Variants in DPYSL2 observed in about 807,000 individuals in gnomAD.
DPYSL2 encodes the protein dihydropyrimidinase-related protein 2.
In DPYSL2, 13 loss-of-function variants were observed where a neutral mutation model predicts 69.9. The observed-to-expected ratio is 0.19, with a 90% CI of 0.12 to 0.30. DPYSL2 has a LOEUF of 0.30. Among genes scored for constraint, DPYSL2 ranks in the 10% least tolerant of loss-of-function variants. DPYSL2 has a pLI of 1.00. For missense variants in DPYSL2, 587 were observed against 918.9 expected (o/e 0.64, Z 4.67); for synonymous variants, 326 against 359.1 (o/e 0.91, Z 1.04).
intron 1 of DPYSL2, among the ~76,000 whole-genome samples, chr8:26,573,727 C>G (rs2129697976): frequency 6.8e-6 from 1 of 147,632 alleles, no homozygotes; most frequent in Non-Finnish European, 1.5e-5. Context: ...ATCCCAGCTA[C>G]TCGGGAGGCT....
At chr8:26,534,241 T>C (rs571099255) in intron 1 of DPYSL2, among the ~76,000 whole-genome samples, 28 of 152,320 alleles carry the variant, frequency 1.8e-4, no homozygotes, top group African/African-American at 5.3e-4. Context: ...ATTGCAGTAG[T>C]GCCATCTTGG....
In DPYSL2 at chr8:26,627,903, C is replaced by A; in HGVS notation, c.968C>A (p.Thr323Lys). 1.2e-6 allele frequency: 2 copies of A among 1,613,886 alleles called. No individual in the cohort carries two copies. Among genetic ancestry groups the A allele is most frequent in the Non-Finnish European group, 1.7e-6 (2 of 1,179,998 alleles). Residue 323 changes from threonine to lysine, a missense_variant, in exon 7 of 14, where the codon ACG (threonine) becomes AAG (lysine). By Grantham distance (78) the Thr-to-Lys change is moderately conservative (BLOSUM62 -1). Transcript: ENST00000521913. The surrounding 1 kb of genome is among the most constrained non-coding windows in gnomAD (Gnocchi z 6.9). ...EQQRILDLGITGPEGHVLSRP... is the reference protein window; with the variant it reads ...EQQRILDLGIKGPEGHVLSRP... ...CAGAGGATCCTGGATCTGGGCATCACGGGCCCCGAGGGACATGTGCTGAGC... is the reference window on the plus strand; with the variant it reads ...CAGAGGATCCTGGATCTGGGCATCAAGGGCCCCGAGGGACATGTGCTGAGC...
rs1429781348 is a variant in DPYSL2, at chr8:26,643,554, T to A, written c.1242T>A (p.Pro414=). The A allele has an allele frequency of 6.2e-7, 1 of 1,614,196 alleles. No homozygotes were observed. The highest frequency in any genetic ancestry group is 2.2e-5 in the East Asian group (1 of 44,884). The part of the protein sequence containing the change: ...AAFVTSPPLS[P]DPTTPDFLNS... ...TTGTCACCTCCCCACCCTTGAGCCCTGATCCAACCACTCCAGACTTTCTCA... is the reference window on the plus strand; with the variant it reads ...TTGTCACCTCCCCACCCTTGAGCCCAGATCCAACCACTCCAGACTTTCTCA... The change falls in exon 9 of 14, where the codon CCT becomes CCA. Residue 414 remains proline (P), a synonymous_variant. Transcript: ENST00000521913. The surrounding 1 kb of genome is among the most constrained non-coding windows in gnomAD (Gnocchi z 6.5).
Position 26,643,240 on chromosome 8 carries a change from TGGG to T in DPYSL2, c.1127-197_1127-195del, listed in dbSNP as rs2129969945. On this transcript the variant is annotated intron_variant, in intron 8 of 13. Transcript: ENST00000521913. The surrounding 1 kb of genome is among the most constrained non-coding windows in gnomAD (Gnocchi z 6.5). ...AGAGCAGGGGCTGAAGGTGGAATCT[TGGG>T]GAGCTCATGACAGGCTGGCAGAGGT... 2.0e-6 allele frequency: 1 copy of T among 508,896 alleles called. No individual in the cohort carries two copies. The highest frequency in any genetic ancestry group is 2.0e-5 in the African/African-American group (1 of 50,072). 31.5% of individuals were successfully genotyped at this position (508,896 alleles called of 1,614,324 possible). A position where few individuals can be genotyped will look rare whatever the true frequency, so the allele number is the denominator to read the frequency against.
Position 26,557,056 on chromosome 8 carries a change from C to A in DPYSL2, c.355-24913C>A, listed in dbSNP as rs114950640. On this transcript the variant is annotated intron_variant, in intron 1 of 13. Coordinates refer to ENST00000521913, the MANE Select transcript of DPYSL2 (RefSeq NM_001197293.3). ...ATAAATCTAGACACAGACCTCACAT[C>A]TTTCAGGAAAATTAACTCAGAATAC... Among the ~76,000 whole-genome samples the A allele has an allele frequency of 8.2e-3, 1,242 of 152,228 alleles. 19 individuals are homozygous for A. Among genetic ancestry groups the A allele is most frequent in the African/African-American group, 0.028 (1,159 of 41,542 alleles).
chr8:26,656,477 C>T lies in DPYSL2; in HGVS notation c.*771C>T, dbSNP rs1392524279. On this transcript the variant is annotated 3_prime_UTR_variant, in exon 14 of 14. Transcript: ENST00000521913. ...CCATTTTTCTGCGTGCTCTCACTCTCTCTTTCTCTCTCTAGCTTTTTAATT... is the reference window on the plus strand; with the variant it reads ...CCATTTTTCTGCGTGCTCTCACTCTTTCTTTCTCTCTCTAGCTTTTTAATT... 1.3e-5 allele frequency: 2 copies of T among 152,380 alleles called. No homozygotes were observed. Among genetic ancestry groups the T allele is most frequent in the East Asian group, 3.9e-4 (2 of 5,170 alleles). The allele number at this position is 152,380 out of a possible 1,614,324, so 9.4% of individuals were successfully genotyped here.
rs1045091778 is a variant in DPYSL2 at position 26,614,413 on chromosome 8, C to T, written c.629-9730C>T. Among the ~76,000 whole-genome samples, 7 of 152,084 alleles carry T rather than the reference C, an allele frequency of 4.6e-5. No individual in the cohort carries two copies. The highest frequency in any genetic ancestry group is 2.6e-4 in the Admixed American group (4 of 15,268). On this transcript the variant is annotated intron_variant, in intron 3 of 13. Transcript: ENST00000521913. This position sits in a 1 kb window ranked among gnomAD's most constrained non-coding sequence, Gnocchi z 4.9. ...ATGAGAAGAGAGGGGTGGGGACAGG[C>T]GGTAGCTGGAGGGTCCTTCAGGATC...
chr8:26,542,740 A>T (rs1800705967), intron 1 of DPYSL2, among the ~76,000 whole-genome samples: 2 of 152,144 alleles, frequency 1.3e-5, no homozygotes, highest in African/African-American at 4.8e-5. Flanking sequence ...TTTTATTTTT[A>T]AAAAGTTAAT....
rs1801169971 is a variant in DPYSL2, at chr8:26,567,393, C to T, written c.355-14576C>T. Among the ~76,000 whole-genome samples, 5 of 151,920 alleles carry T rather than the reference C, an allele frequency of 3.3e-5. No homozygotes were observed. In the South Asian group the frequency reaches 1.0e-3, roughly 32 times the overall value. ...CCATCTGCCCACCCAACTATCCATT[C>T]ATCCATCCACCCCACCCATCTACTA... On this transcript the variant is annotated intron_variant, in intron 1 of 13. Coordinates refer to ENST00000521913, the MANE Select transcript of DPYSL2 (RefSeq NM_001197293.3).
chr8:26,549,578 A>G (rs1800839569), intron 1 of DPYSL2, among the ~76,000 whole-genome samples: 1 of 152,194 alleles, frequency 6.6e-6, no homozygotes. Flanking sequence ...AGAGAACACC[A>G]AGCAGGATCA....
rs1802390636 is a variant in DPYSL2, at chr8:26,617,809, G to A, written c.629-6334G>A. On this transcript the variant is annotated intron_variant, in intron 3 of 13. Coordinates refer to ENST00000521913, the MANE Select transcript of DPYSL2 (RefSeq NM_001197293.3). This position sits in a 1 kb window ranked among gnomAD's most constrained non-coding sequence, Gnocchi z 4.7. ...CTGAATAAACAAATCTATGGAGACG[G>A]GAAGTAGATTGATGGTGGCCAGGGT... Among the ~76,000 whole-genome samples, 1 of 152,178 alleles carries A rather than the reference G, an allele frequency of 6.6e-6. No individual in the cohort carries two copies. Among genetic ancestry groups the A allele is most frequent in the Non-Finnish European group, 1.5e-5 (1 of 68,032 alleles).
In DPYSL2 at chr8:26,627,409, G is replaced by A; in HGVS notation, c.936+114G>A. 1 of 1,098,408 alleles carries A rather than the reference G, an allele frequency of 9.1e-7. No homozygotes were observed. Among genetic ancestry groups the A allele is most frequent in the Non-Finnish European group, 1.4e-6 (1 of 733,712 alleles). 68.0% of individuals were successfully genotyped at this position (1,098,408 alleles called of 1,614,324 possible). A position where few individuals can be genotyped will look rare whatever the true frequency, so the allele number is the denominator to read the frequency against. ...CCAAGGTGGAAAAGCAGAGGGACCTGGTGTTCCCTTGCTGGAGCTCTGCTC... is the reference window on the plus strand; with the variant it reads ...CCAAGGTGGAAAAGCAGAGGGACCTAGTGTTCCCTTGCTGGAGCTCTGCTC... On this transcript the variant is annotated intron_variant, in intron 6 of 13. Transcript: ENST00000521913. This position sits in a 1 kb window ranked among gnomAD's most constrained non-coding sequence, Gnocchi z 6.9.
intron 1 of DPYSL2, among the ~76,000 whole-genome samples, chr8:26,574,323 A>G (rs578215905): frequency 2.0e-5 from 3 of 152,308 alleles, no homozygotes; most frequent in Non-Finnish European, 4.4e-5. Flanking sequence ...ATGGGGACAG[A>G]GTAGGTGTCC....
chr8:26,628,894 A>G (rs1802676194), intron 7 of DPYSL2, among the ~76,000 whole-genome samples: 1 of 152,140 alleles, frequency 6.6e-6, no homozygotes, highest in Admixed American at 6.5e-5. Flanking sequence ...TGAGTTTGGG[A>G]TGTGGTCATG....
chr8:26,632,993 G>A (rs1185762606), intron 7 of DPYSL2, among the ~76,000 whole-genome samples: 1 of 152,230 alleles, frequency 6.6e-6, no homozygotes, highest in Non-Finnish European at 1.5e-5. Flanking sequence ...TAGATTACCA[G>A]TTAATGCAAT....
intron 1 of DPYSL2, among the ~76,000 whole-genome samples, chr8:26,522,164 C>T (rs774087803): frequency 1.3e-4 from 20 of 152,034 alleles, no homozygotes; most frequent in Non-Finnish European, 2.4e-4. Context: ...AAAAATTAGC[C>T]GGGCACGGTG....
At chr8:26,638,890 C>T (rs1258817396) in intron 8 of DPYSL2, among the ~76,000 whole-genome samples, 1 of 152,216 alleles carries the variant, frequency 6.6e-6, no homozygotes, top group Non-Finnish European at 1.5e-5. Flanking sequence ...AATGGGCTCC[C>T]TCTGACCACA....
chr8:26,547,421 C>T (rs888272017), intron 1 of DPYSL2, among the ~76,000 whole-genome samples: 5 of 151,932 alleles, frequency 3.3e-5, no homozygotes, highest in African/African-American at 1.2e-4. Context: ...ATGCAGATTC[C>T]TTTTACTCAG....
At chr8:26,629,088 C>T (rs2584182) in intron 7 of DPYSL2, among the ~76,000 whole-genome samples, 11,957 of 152,196 alleles carry the variant, frequency 0.079, 697 homozygotes, top group Admixed American at 0.21. Context: ...GGCAGAAAGA[C>T]GAGAGTGGGA....
Sources: allele counts gnomAD v4.1 joint callset (sites outside exome capture counted in the v4.1 genomes callset), GRCh38; gene constraint gnomAD v4.1.1; non-coding constraint Gnocchi (gnomAD v3.1); transcripts MANE v1.5; gene names NCBI Gene and HGNC (gene_info 2026-07-23, HGNC 2026-07-21).